Variants in CES2 observed in about 807,000 individuals in gnomAD.
The protein encoded by CES2 is cocaine esterase.
Under a neutral mutation model 52.1 loss-of-function variants are expected in CES2, and 42 were observed. The ratio of observed to expected loss-of-function variants is 0.81; its 90% CI spans 0.63 to 1.04. The LOEUF (loss-of-function observed/expected upper bound fraction) is 1.04. CES2 is among the 50% of genes least tolerant of loss of function. The probability of loss-of-function intolerance (pLI) is 0.00; values close to 1 mark genes in which losing one functional copy is unlikely to be tolerated. For synonymous variants in CES2, 277 were observed against 289.6 expected (o/e 0.96, Z 0.44); for missense variants, 656 against 724.3 (o/e 0.91, Z 1.08).
chr16:66,938,282 G>C (rs776431742), intron 2 of CES2, 41 bp downstream of exon 2: 1 of 1,436,996 alleles, frequency 7.0e-7, no homozygotes, highest in Non-Finnish European at 9.8e-7. Flanking sequence ...AGGCCCTGGG[G>C]CAGGGGTGGG....
upstream of CES2, chr16:66,934,971 T>A (rs1014753218): frequency 6.2e-6 from 1 of 160,348 alleles, no homozygotes; most frequent in East Asian, 1.9e-4. The surrounding 1 kb of genome is among the most constrained non-coding windows in gnomAD (Gnocchi z 4.1). Flanking sequence ...AGTGCCGCGG[T>A]CACGTGTACG....
chr16:66,935,490 C>T, upstream of CES2: 4 of 1,613,848 alleles, frequency 2.5e-6, no homozygotes, highest in Non-Finnish European at 3.4e-6. Context: ...TTTCCCGGCC[C>T]AAGCCAGCGC....
chr16:66,940,666 A>C lies in CES2; in HGVS notation c.787A>C (p.Ile263Leu). 1 of 1,614,144 alleles carries C rather than the reference A, an allele frequency of 6.2e-7. No individual in the cohort carries two copies. Among genetic ancestry groups the C allele is most frequent in the Non-Finnish European group, 8.5e-7 (1 of 1,180,020 alleles). ...ESGVALLPGL[I>L]ASSADVISTV... ...TGGCGTGGCCCTCCTGCCCGGCCTCATTGCCAGCTCAGCTGATGTCATCTC... is the reference window on the plus strand; with the variant it reads ...TGGCGTGGCCCTCCTGCCCGGCCTCCTTGCCAGCTCAGCTGATGTCATCTC... Residue 263 changes from isoleucine (I) to leucine (L), a missense_variant, in exon 5 of 12, where the codon ATT (isoleucine) becomes CTT (leucine). Ile to Leu is a conservative substitution (Grantham distance 5). Coordinates refer to ENST00000317091, the MANE Select transcript of CES2 (RefSeq NM_001365405.1).
In CES2 at chr16:66,943,165, C is replaced by T. The variant is rs1963405153; in HGVS notation, c.1421-134C>T. 1.1e-6 allele frequency: 1 copy of T among 902,318 alleles called. No homozygotes were observed. The highest frequency in any genetic ancestry group is 2.7e-5 in the East Asian group (1 of 37,552). 55.9% of individuals were successfully genotyped at this position (902,318 alleles called of 1,614,324 possible). Reference sequence around the variant, plus strand: ...AAAGTTTGGAAAAGGGGAGGGCTGGCTTCTGAGGGCAGTGGAAGAAAAAGC... The same window carrying T: ...AAAGTTTGGAAAAGGGGAGGGCTGGTTTCTGAGGGCAGTGGAAGAAAAAGC... On this transcript the variant is annotated intron_variant, in intron 10 of 11. Coordinates refer to ENST00000317091, the MANE Select transcript of CES2 (RefSeq NM_001365405.1). The surrounding 1 kb of genome is among the most constrained non-coding windows in gnomAD (Gnocchi z 4.2).
At chr16:66,938,902 G>A (rs985855155) in intron 2 of CES2, among the ~76,000 whole-genome samples, 1 of 152,132 alleles carries the variant, frequency 6.6e-6, no homozygotes, top group Non-Finnish European at 1.5e-5. Context: ...CGGGTTACAG[G>A]AATATAGTGG....
rs766649453 is a variant in CES2 at position 66,940,315 on chromosome 16, G to T, written c.517G>T (p.Val173Phe). 4.3e-6 allele frequency: 7 copies of T among 1,614,190 alleles called. No homozygotes were observed. The Admixed American group carries it at 1.2e-4, about 27-fold the overall frequency. Residue 173 changes from valine to phenylalanine, a missense_variant, in exon 4 of 12, where the codon GTC (valine) becomes TTC (phenylalanine). By Grantham distance (50) the Val-to-Phe change is conservative. Transcript: ENST00000317091. Reference protein sequence around the residue: ...MLAALENVVVVIIQYRLGVLG... With the variant: ...MLAALENVVVFIIQYRLGVLG... ...GGCTGCCTTGGAGAACGTGGTGGTG[G>T]TCATCATCCAGTACCGCCTGGGTGT...
chr16:66,938,545 G>A (rs1963272637), intron 2 of CES2, among the ~76,000 whole-genome samples: 1 of 152,224 alleles, frequency 6.6e-6, no homozygotes, highest in African/African-American at 2.4e-5. Flanking sequence ...TCTGCCACCA[G>A]TGGCAGGTGT....
At chr16:66,941,318 C>CAT in intron 6 of CES2, 96 bp downstream of exon 6, 1 of 1,543,434 alleles carries the variant, frequency 6.5e-7, no homozygotes, top group Non-Finnish European at 8.8e-7. Context: ...CACATTACCT[C>CAT]ATCTGCATGC....
rs1347787963 is a variant in CES2, at chr16:66,944,063, A to G, written c.*38A>G. 2.1e-5 allele frequency: 25 copies of G among 1,207,894 alleles called. No individual in the cohort carries two copies. Among genetic ancestry groups the G allele is most frequent in the Non-Finnish European group, 2.7e-5 (24 of 876,282 alleles). The allele number at this position is 1,207,894 out of a possible 1,614,324, so 74.8% of individuals were successfully genotyped here. ...GGGAGGAGGGGGTGGGTTCGCTGACAGGCGAGGGTCAGCCTGCTGTGCCCA... is the reference window on the plus strand; with the variant it reads ...GGGAGGAGGGGGTGGGTTCGCTGACGGGCGAGGGTCAGCCTGCTGTGCCCA... On this transcript the variant is annotated 3_prime_UTR_variant, in exon 12 of 12. Coordinates refer to ENST00000317091, the MANE Select transcript of CES2 (RefSeq NM_001365405.1).
chr16:66,934,717 G>C (rs868711998), upstream of CES2: 4 of 254,476 alleles, frequency 1.6e-5, no homozygotes, highest in Non-Finnish European at 2.3e-5. The surrounding 1 kb of genome is among the most constrained non-coding windows in gnomAD (Gnocchi z 4.1). Flanking sequence ...GGCTGGCCGG[G>C]AGCTCCCGTA....
At chr16:66,940,739 T>C in intron 5 of CES2, 44 bp downstream of exon 5, 1 of 1,591,560 alleles carries the variant, frequency 6.3e-7, no homozygotes. Context: ...CTCCCTCCCC[T>C]CATATCCCTC....
In CES2 at chr16:66,942,699, T is replaced by G. The variant is rs1963396258; in HGVS notation, c.1334T>G (p.Leu445Arg). Residue 445 changes from leucine to arginine, a missense_variant, in exon 10 of 12, where the codon CTC becomes CGC. By Grantham distance (102) the Leu-to-Arg change is moderately radical. Transcript: ENST00000317091. ...FYEFQHQPSWLKNIRPPHMKA... is the reference protein window; with the variant it reads ...FYEFQHQPSWRKNIRPPHMKA... ...GAGTTCCAGCATCAGCCCAGCTGGC[T>G]CAAGAACATCAGGCCACCGCACATG... 1.2e-6 allele frequency: 2 copies of G among 1,614,090 alleles called. No homozygotes were observed. Among genetic ancestry groups the G allele is most frequent in the African/African-American group, 2.7e-5 (2 of 74,930 alleles).
intron 6 of CES2, 125 bp downstream of exon 6, chr16:66,941,347 G>T: frequency 2.0e-6 from 3 of 1,520,416 alleles, no homozygotes; most frequent in Non-Finnish European, 2.7e-6. Flanking sequence ...CATAGCCCTG[G>T]GTCGGGACTG....
At chr16:66,941,289 G>A (rs1232663050) in intron 6 of CES2, 67 bp downstream of exon 6, 19 of 1,584,468 alleles carry the variant, frequency 1.2e-5, no homozygotes, top group Non-Finnish European at 1.5e-5. Context: ...AGGCCTGCAC[G>A]GCCGTCATAT....
chr16:66,935,694 T>A lies in CES2; in HGVS notation c.59T>A (p.Leu20His). The A allele has an allele frequency of 6.2e-7, 1 of 1,600,938 alleles. No homozygotes were observed. The highest frequency in any genetic ancestry group is 8.5e-7 in the Non-Finnish European group (1 of 1,179,826). ...GCGGTGGCCTGTGGGCTTCTGCTGCTTCTTGTCCGGGGCCAGGGTGAGGCT... is the reference window on the plus strand; with the variant it reads ...GCGGTGGCCTGTGGGCTTCTGCTGCATCTTGTCCGGGGCCAGGGTGAGGCT... ...LSAVACGLLLLLVRGQGQDSA... is the reference protein window; with the variant it reads ...LSAVACGLLLHLVRGQGQDSA... Residue 20 changes from leucine to histidine, a missense_variant, in exon 1 of 12, where the codon CTT becomes CAT. By Grantham distance (99) the Leu-to-His change is moderately conservative. Coordinates refer to ENST00000317091, the MANE Select transcript of CES2 (RefSeq NM_001365405.1).
rs1418791271 is a variant in CES2, at chr16:66,943,887, G to T, written c.1542G>T (p.Glu514Asp). 1 of 1,608,618 alleles carries T rather than the reference G, an allele frequency of 6.2e-7. No homozygotes were observed. The highest frequency in any genetic ancestry group is 1.3e-5 in the African/African-American group (1 of 74,830). Residue 514 changes from glutamate (E) to aspartate (D), a missense_variant, in exon 12 of 12, where the codon GAG (glutamate) becomes GAT (aspartate). Transcript: ENST00000317091. This position sits in a 1 kb window ranked among gnomAD's most constrained non-coding sequence, Gnocchi z 4.2. ...CACACTGGCCGCTGTTCGACCAGGA[G>T]GAGCAATACCTGCAGCTGAACCTAC... is the stretch of plus-strand genomic sequence containing the variant. ...GLPHWPLFDQ[E>D]EQYLQLNLQP...
upstream of CES2, chr16:66,935,431 T>A: frequency 6.4e-7 from 1 of 1,572,892 alleles, no homozygotes. Flanking sequence ...TACCACTAGA[T>A]CCCCACCCAC....
In CES2 at chr16:66,941,516, T is replaced by C. The variant is rs745625472; in HGVS notation, c.926T>C (p.Met309Thr). 1.2e-6 allele frequency: 2 copies of C among 1,614,042 alleles called. No homozygotes were observed. The highest frequency in any genetic ancestry group is 1.7e-6 in the Non-Finnish European group (2 of 1,179,954). ...TACATTTCCCCTCAGCCTTTCAAGA[T>C]GATCCCCGGAGTGGTGGATGGGGTC... is the stretch of plus-strand genomic sequence containing the variant. ...EILAINKPFK[M>T]IPGVVDGVFL... The change falls in exon 7 of 12, where the codon ATG becomes ACG. Residue 309 changes from methionine (M) to threonine (T), a missense_variant. Met to Thr is a moderately conservative substitution (Grantham distance 81). Transcript: ENST00000317091.
In CES2 at chr16:66,943,534, G is replaced by GCCCCA; in HGVS notation, c.1493+163_1493+164insCCCCA. 1.4e-6 allele frequency: 1 copy of GCCCCA among 710,052 alleles called. No homozygotes were observed. The highest frequency in any genetic ancestry group is 1.8e-5 in the African/African-American group (1 of 56,664). 44.0% of individuals were successfully genotyped at this position (710,052 alleles called of 1,614,324 possible). A position where few individuals can be genotyped will look rare whatever the true frequency, so the allele number is the denominator to read the frequency against. ...CACTCAGACAGGGTGGGGGTGCGTGGGGCAGTGGACACGCTCTATCTCTCC... is the reference window on the plus strand; with the variant it reads ...CACTCAGACAGGGTGGGGGTGCGTGGCCCCAGGCAGTGGACACGCTCTATCTCTCC... On this transcript the variant is annotated intron_variant, in intron 11 of 11. Transcript: ENST00000317091. The surrounding 1 kb of genome is among the most constrained non-coding windows in gnomAD (Gnocchi z 4.2).
Sources: gnomAD v4.1 joint callset for allele counts (sites outside exome capture counted in the v4.1 genomes callset) on GRCh38, gnomAD v4.1.1 for gene constraint, Gnocchi (gnomAD v3.1) non-coding constraint, MANE v1.5 for transcripts, NCBI Gene and HGNC (gene_info 2026-07-23, HGNC 2026-07-21) for gene names.